GRIN2A: variants seen among roughly 807,000 people sequenced by gnomAD.
GRIN2A encodes the protein glutamate receptor ionotropic, NMDA 2A.
A neutral mutation model predicts 113.4 loss-of-function variants in GRIN2A; 22 were observed. The observed-to-expected ratio is 0.19, with a 90% confidence interval of 0.14 to 0.28. The LOEUF (loss-of-function observed/expected upper bound fraction) is 0.28, where lower values mean the gene tolerates loss of function less well. GRIN2A is among the 10% of genes least tolerant of loss of function. GRIN2A has a pLI of 1.00. For missense variants in GRIN2A, 1,502 were observed against 1,887.0 expected, an observed-to-expected ratio of 0.80 and a Z score of 3.78; for synonymous variants, 827 against 738.4, an observed-to-expected ratio of 1.12 and a Z score of -1.94.
At chr16:9,901,934 T>G (rs1024845079) in intron 3 of GRIN2A, among the ~76,000 whole-genome samples, 7 of 152,188 alleles carry the variant, frequency 4.6e-5, no homozygotes, top group Non-Finnish European at 1.0e-4. Context: ...GGGACTAAAA[T>G]GTATTTAGCC....
At chr16:10,143,101 A>T (rs1447877042) in intron 2 of GRIN2A, among the ~76,000 whole-genome samples, 1 of 152,136 alleles carries the variant, frequency 6.6e-6, no homozygotes, top group Non-Finnish European at 1.5e-5. Flanking sequence ...TGAGCTGGTG[A>T]AGATGACTAT....
At chr16:9,766,689 T>C (rs1900940565) in intron 12 of GRIN2A, among the ~76,000 whole-genome samples, 1 of 152,110 alleles carries the variant, frequency 6.6e-6, no homozygotes, top group South Asian at 2.1e-4. Flanking sequence ...GCCACTGCGC[T>C]CCAGCCTGGG....
At chr16:9,937,268 TAGAA>T (rs960571579) in intron 3 of GRIN2A, among the ~76,000 whole-genome samples, 1 of 151,764 alleles carries the variant, frequency 6.6e-6, no homozygotes, top group African/African-American at 2.4e-5. Context: ...AAAAAAAACA[TAGAA>T]AGAATGAATA....
rs1039254960 is a variant in GRIN2A at position 10,182,032 on chromosome 16, G to T, written c.-174C>A. 1 of 152,648 alleles carries T rather than the reference G, an allele frequency of 6.6e-6. No individual in the cohort carries two copies. 9.5% of individuals were successfully genotyped at this position (152,648 alleles called of 1,614,324 possible). ...CGCTGTCCGCATCGCCCCCACGGGG[G>T]GCGGCTATCCCAGCCGGAGGCTCTG... On this transcript the variant is annotated 5_prime_UTR_variant, in exon 1 of 13. Transcript: ENST00000330684.
chr16:10,106,729 C>A lies in GRIN2A; in HGVS notation c.414+73269G>T, dbSNP rs192693972. Among the ~76,000 whole-genome samples the A allele has an allele frequency of 7.6e-4, 116 of 152,198 alleles. 2 individuals are homozygous for A. In the South Asian group the frequency reaches 0.013, roughly 17 times the overall value. On this transcript the variant is annotated intron_variant, in intron 2 of 12. Transcript: ENST00000330684. The stretch of plus-strand genomic sequence containing the variant: ...TCCACGGACTTTGGGGAAGTTGGCT[C>A]CTTCACTTCTAGAGAAAAAAGGAGA...
At chr16:10,170,206 G>A (rs2142354488) in intron 2 of GRIN2A, among the ~76,000 whole-genome samples, 1 of 152,312 alleles carries the variant, frequency 6.6e-6, no homozygotes, top group Middle Eastern at 3.4e-3. Flanking sequence ...ACCGGTTCAT[G>A]ACCCTTGCAA....
At chr16:10,122,896 T>C (rs1056431978) in intron 2 of GRIN2A, among the ~76,000 whole-genome samples, 1 of 152,132 alleles carries the variant, frequency 6.6e-6, no homozygotes, top group African/African-American at 2.4e-5. Flanking sequence ...ACGTGGACAT[T>C]TCCAGGTCCC....
chr16:10,162,594 G>T (rs1008816381), intron 2 of GRIN2A, among the ~76,000 whole-genome samples: 4 of 152,170 alleles, frequency 2.6e-5, no homozygotes, highest in African/African-American at 7.2e-5. Flanking sequence ...GTGTGTTTAT[G>T]TTGTGTCTTA....
intron 2 of GRIN2A, among the ~76,000 whole-genome samples, chr16:10,148,013 T>C (rs537428888): frequency 3.3e-5 from 5 of 152,344 alleles, no homozygotes; most frequent in Admixed American, 1.3e-4. Flanking sequence ...ATTCCTTTCC[T>C]GGACTTGCCT....
intron 2 of GRIN2A, among the ~76,000 whole-genome samples, chr16:10,117,092 C>A (rs899132526): frequency 7.9e-5 from 12 of 151,998 alleles, no homozygotes; most frequent in Admixed American, 2.6e-4. Flanking sequence ...TAAGCTTACT[C>A]CATGCACAGG....
Position 9,764,900 on chromosome 16 carries a change from ACTT to A in GRIN2A, c.2641_2643del (p.Lys881del), listed in dbSNP as rs766019656. ...GATCCCGTCAGATTGAAGTCTGGAGACTTCTTCTTTTCTTCAATGTGCACTCCA... is the reference window on the plus strand; with the variant it reads ...GATCCCGTCAGATTGAAGTCTGGAGACTTCTTTTCTTCAATGTGCACTCCA... On this transcript the variant is annotated inframe_deletion, in exon 13 of 13. Transcript: ENST00000330684. 16 of 1,613,888 alleles carry A rather than the reference ACTT, an allele frequency of 9.9e-6. No individual in the cohort carries two copies. Among genetic ancestry groups the A allele is most frequent in the Admixed American group, 1.7e-5 (1 of 59,996 alleles).
At chr16:10,153,589 G>T (rs1372195878) in intron 2 of GRIN2A, among the ~76,000 whole-genome samples, 1 of 152,140 alleles carries the variant, frequency 6.6e-6, no homozygotes, top group Non-Finnish European at 1.5e-5. Context: ...TGTTTCTTGT[G>T]CTAGAACATA....
At chr16:9,973,683 G>A (rs1162673771) in intron 2 of GRIN2A, among the ~76,000 whole-genome samples, 1 of 152,034 alleles carries the variant, frequency 6.6e-6, no homozygotes, top group Non-Finnish European at 1.5e-5. Context: ...GAGAAAAATA[G>A]CACATTATAT....
intron 4 of GRIN2A, among the ~76,000 whole-genome samples, chr16:9,869,670 G>C (rs953375207): frequency 6.6e-6 from 1 of 152,126 alleles, no homozygotes; most frequent in Non-Finnish European, 1.5e-5. Context: ...TGTAATGTGG[G>C]CATAATAGGA....
intron 2 of GRIN2A, chr16:10,111,439 G>C (rs75721537): frequency 0.016 from 9,375 of 570,572 alleles, 135 homozygotes; most frequent in African/African-American, 0.018. Flanking sequence ...CTGGCTCACC[G>C]TGCAGCAGCT....
intron 4 of GRIN2A, among the ~76,000 whole-genome samples, chr16:9,867,491 A>T (rs527705640): frequency 6.6e-6 from 1 of 152,234 alleles, no homozygotes; most frequent in East Asian, 1.9e-4. Flanking sequence ...GTAATAAAGG[A>T]GGCATCTCTC....
At position 9,763,875 on chromosome 16, in the gene GRIN2A, G is replaced by T; in HGVS notation, c.3669C>A (p.Thr1223=). The change falls in exon 13 of 13, where the codon ACC becomes ACA. Residue 1223 remains threonine, a synonymous_variant. Transcript: ENST00000330684. ...ACCTCATGGTGAAGTGGCCTGAATA[G>T]GTGGGCATGTTGGAAAGGCAGCTTC... is the stretch of plus-strand genomic sequence containing the variant. ...HCRSCLSNMP[T]YSGHFTMRSP... 1 of 1,614,130 alleles carries T rather than the reference G, an allele frequency of 6.2e-7. No homozygotes were observed. The highest frequency in any genetic ancestry group is 1.1e-5 in the South Asian group (1 of 91,076).
chr16:9,855,757 G>A (rs2042956462), intron 4 of GRIN2A, among the ~76,000 whole-genome samples: 1 of 152,170 alleles, frequency 6.6e-6, no homozygotes, highest in South Asian at 2.1e-4. Context: ...CACCCAGGGT[G>A]AAAGGACAGC....
intron 4 of GRIN2A, among the ~76,000 whole-genome samples, chr16:9,882,342 G>C (rs1315624870): frequency 6.6e-6 from 1 of 152,186 alleles, no homozygotes; most frequent in Non-Finnish European, 1.5e-5. Flanking sequence ...AGACTCAAGA[G>C]AGCAATCATA....
Sources: gnomAD v4.1 joint callset for allele counts (sites outside exome capture counted in the v4.1 genomes callset) on GRCh38, gnomAD v4.1.1 for gene constraint, MANE v1.5 for transcripts, NCBI Gene and HGNC (gene_info 2026-07-23, HGNC 2026-07-21) for gene names.